The following ARSB variants were observed in gnomAD, a reference collection of about 807,000 sequenced individuals.
The protein encoded by ARSB is N-acetylgalactosamine-4-sulfatase.
Under a neutral mutation model 50.9 loss-of-function variants are expected in ARSB, and 41 were observed. The observed-to-expected ratio is 0.81, with a 90% confidence interval of 0.63 to 1.04. The LOEUF is 1.04. Among genes scored for constraint, ARSB ranks in the 50% least tolerant of loss-of-function variants. The probability of loss-of-function intolerance (pLI) is 0.00; values close to 1 mark genes in which losing one functional copy is unlikely to be tolerated. For synonymous variants in ARSB, 269 were observed against 284.8 expected, an observed-to-expected ratio of 0.94 and a Z score of 0.56; for missense variants, 672 against 693.3, an observed-to-expected ratio of 0.97 and a Z score of 0.35.
intron 6 of ARSB, among the ~76,000 whole-genome samples, chr5:78,816,300 CA>C (rs1743990462): frequency 6.6e-6 from 1 of 152,194 alleles, no homozygotes; most frequent in South Asian, 2.1e-4. Flanking sequence ...AGGTGCTCAA[CA>C]AAGACTCTTA....
chr5:78,846,038 C>T (rs1745429322), intron 5 of ARSB, among the ~76,000 whole-genome samples: 1 of 151,970 alleles, frequency 6.6e-6, no homozygotes, highest in East Asian at 1.9e-4. Flanking sequence ...GTCATTAACC[C>T]ATTTTGAGTT....
intron 6 of ARSB, among the ~76,000 whole-genome samples, chr5:78,788,616 A>T (rs1427280219): frequency 1.3e-5 from 2 of 152,112 alleles, no homozygotes; most frequent in Non-Finnish European, 2.9e-5. Flanking sequence ...TTTTTGAGAT[A>T]AGGTCTTACA....
intron 4 of ARSB, among the ~76,000 whole-genome samples, chr5:78,916,356 G>A (rs962700987): frequency 1.3e-5 from 2 of 152,176 alleles, no homozygotes; most frequent in East Asian, 1.9e-4. Flanking sequence ...ACTGGGCCTG[G>A]GCACACAGAC....
At chr5:78,848,802 G>C (rs1257974743) in intron 5 of ARSB, among the ~76,000 whole-genome samples, 1 of 152,170 alleles carries the variant, frequency 6.6e-6, no homozygotes, top group East Asian at 1.9e-4. Flanking sequence ...GTTTTGATTT[G>C]CATTTCTCTG....
intron 5 of ARSB, among the ~76,000 whole-genome samples, chr5:78,863,230 C>T (rs899531024): frequency 6.6e-6 from 1 of 152,060 alleles, no homozygotes; most frequent in East Asian, 1.9e-4. Context: ...CTAGAAAAAT[C>T]GTTTGACCCA....
At chr5:78,841,168 C>CTACTAATAATAATAATAA (rs368030435) in intron 5 of ARSB, among the ~76,000 whole-genome samples, 36 of 132,016 alleles carry the variant, frequency 2.7e-4, no homozygotes, top group African/African-American at 7.1e-4. Context: ...ACTACTACTA[C>CTACTAATAATAATAATAA]TAATAATAAT....
At chr5:78,911,572 T>TAAAAAA (rs71001137) in intron 4 of ARSB, among the ~76,000 whole-genome samples, 27 of 67,846 alleles carry the variant, frequency 4.0e-4, no homozygotes, top group Middle Eastern at 9.4e-3. Flanking sequence ...AGACTCCCTC[T>TAAAAAA]AAAAAAAAAA....
chr5:78,852,443 C>T (rs1286572974), intron 5 of ARSB, among the ~76,000 whole-genome samples: 1 of 152,308 alleles, frequency 6.6e-6, no homozygotes, highest in Non-Finnish European at 1.5e-5. Context: ...GTCTGATGGG[C>T]TTCCCTTTGT....
At chr5:78,859,583 C>T (rs62377553) in intron 5 of ARSB, among the ~76,000 whole-genome samples, 19,303 of 152,050 alleles carry the variant, frequency 0.13, 1,423 homozygotes, top group Middle Eastern at 0.21. Flanking sequence ...TTCACTAATG[C>T]CAATGCTGAA....
chr5:78,828,716 G>T lies in ARSB; in HGVS notation c.1213+10640C>A, dbSNP rs556497043. 4.6e-5 allele frequency among the ~76,000 whole-genome samples: 7 copies of T among 152,318 alleles called. No homozygotes were observed. The South Asian group carries it at 1.5e-3, about 32-fold the overall frequency. ...TTTTCATGAAGTCTAGGGCAACACA[G>T]CAGGTATTTGTGGTAGCAGAATAAT... On this transcript the variant is annotated intron_variant, in intron 6 of 7. Transcript: ENST00000264914.
intron 4 of ARSB, among the ~76,000 whole-genome samples, chr5:78,939,258 T>C (rs1252260834): frequency 6.7e-6 from 1 of 150,004 alleles, no homozygotes; most frequent in Non-Finnish European, 1.5e-5. Flanking sequence ...CAACATCAAG[T>C]GGTCCAAGCT....
chr5:78,845,747 G>C lies in ARSB; in HGVS notation c.1143-6321C>G, dbSNP rs140701641. Among the ~76,000 whole-genome samples, 372 of 152,050 alleles carry C rather than the reference G, an allele frequency of 2.4e-3. 2 individuals carry two copies. The highest frequency in any genetic ancestry group is 4.2e-3 in the Non-Finnish European group (288 of 67,908). Reference sequence around the variant, plus strand: ...GGATTATTTGGGGGGTTTTTCTGTTGAATTGTTTCAGTTCCTTATATATTC... The same window carrying C: ...GGATTATTTGGGGGGTTTTTCTGTTCAATTGTTTCAGTTCCTTATATATTC... On this transcript the variant is annotated intron_variant, in intron 5 of 7. Transcript: ENST00000264914.
intron 5 of ARSB, among the ~76,000 whole-genome samples, chr5:78,868,610 G>A (rs1746938131): frequency 6.8e-6 from 1 of 148,078 alleles, no homozygotes; most frequent in Admixed American, 6.8e-5. Context: ...ACAAGCAAAT[G>A]CTGACCGATT....
At chr5:78,852,791 CTTCATTTCA>C (rs1581043190) in intron 5 of ARSB, among the ~76,000 whole-genome samples, 3 of 152,302 alleles carry the variant, frequency 2.0e-5, no homozygotes, top group South Asian at 4.1e-4. Flanking sequence ...TCCCTTCTCG[CTTCATTTCA>C]TTCATTTCAT....
At chr5:78,850,574 A>T (rs988404641) in intron 5 of ARSB, among the ~76,000 whole-genome samples, 8 of 152,156 alleles carry the variant, frequency 5.3e-5, no homozygotes, top group Admixed American at 3.3e-4. Context: ...CTGGACTCAT[A>T]AAATGAGTTA....
chr5:78,955,540 T>C, intron 3 of ARSB, 38 bp from the exon 4 acceptor site: 1 of 1,530,624 alleles, frequency 6.5e-7, no homozygotes, highest in Non-Finnish European at 9.1e-7. Flanking sequence ...TAAGAGGATA[T>C]TGAAGCATTA....
chr5:78,973,669 T>C lies in ARSB; in HGVS notation c.313-4477A>G, dbSNP rs575192616. Among the ~76,000 whole-genome samples the C allele has an allele frequency of 9.2e-5, 14 of 152,278 alleles. No homozygotes were observed. The South Asian group carries it at 1.2e-3, about 14-fold the overall frequency. On this transcript the variant is annotated intron_variant, in intron 1 of 7. Coordinates refer to ENST00000264914, the MANE Select transcript of ARSB (RefSeq NM_000046.5). ...CCCTTTCAGAGGTCCAGACAGTCAATTGATTAGTTATCTATATGGGAGTTC... is the reference window on the plus strand; with the variant it reads ...CCCTTTCAGAGGTCCAGACAGTCAACTGATTAGTTATCTATATGGGAGTTC...
chr5:78,935,490 G>A (rs1205741721), intron 4 of ARSB, among the ~76,000 whole-genome samples: 1 of 152,172 alleles, frequency 6.6e-6, no homozygotes, highest in Non-Finnish European at 1.5e-5. Context: ...AGAGAGCTTG[G>A]CCCGTGGCAG....
intron 6 of ARSB, chr5:78,816,148 A>C: frequency 6.2e-7 from 1 of 1,614,150 alleles, no homozygotes; most frequent in Non-Finnish European, 8.5e-7. Flanking sequence ...TCCTGAAGAT[A>C]TACAGATTTC....
Sources: allele counts gnomAD v4.1 joint callset (sites outside exome capture counted in the v4.1 genomes callset), GRCh38; gene constraint gnomAD v4.1.1; transcripts MANE v1.5; gene names NCBI Gene and HGNC (gene_info 2026-07-23, HGNC 2026-07-21).